The following FHIT variants were observed in gnomAD, a reference collection of about 807,000 sequenced individuals.
FHIT encodes the protein fragile histidine triad diadenosine triphosphatase, also known as bis(5'-adenosyl)-triphosphatase.
In FHIT, 19 loss-of-function variants were observed where a neutral mutation model predicts 17.9. That is an observed-to-expected ratio of 1.06 (90% CI 0.74 to 1.56). The LOEUF (loss-of-function observed/expected upper bound fraction) is 1.56, where lower values mean the gene tolerates loss of function less well. Among genes scored for constraint, FHIT ranks in the 40% most tolerant of loss-of-function variants. The pLI, the probability that FHIT is intolerant of heterozygous loss-of-function variation, is 0.00. For synonymous variants in FHIT, 81 were observed against 69.7 expected, an observed-to-expected ratio of 1.16 and a Z score of -0.81; for missense variants, 248 against 189.2, an observed-to-expected ratio of 1.31 and a Z score of -1.82.
Position 60,678,455 on chromosome 3 carries a change from C to T in FHIT, c.-17-141476G>A, listed in dbSNP as rs1478752692. On this transcript the variant is annotated intron_variant, in intron 4 of 9. Transcript: ENST00000492590. ...AAAAGAAACACTTATTGAAGATTCA[C>T]AACATACATTCCATTATATATCGCT... Among the ~76,000 whole-genome samples the T allele has an allele frequency of 3.3e-5, 5 of 152,144 alleles. No homozygotes were observed. In the East Asian group the frequency reaches 9.6e-4, roughly 29 times the overall value.
chr3:60,532,723 C>G (rs1163573572), intron 5 of FHIT, among the ~76,000 whole-genome samples: 2 of 152,194 alleles, frequency 1.3e-5, no homozygotes, highest in Non-Finnish European at 2.9e-5. Context: ...CAAGGAGGGA[C>G]TGAAGTGGCT....
chr3:60,512,883 A>C (rs2035003232), intron 5 of FHIT, among the ~76,000 whole-genome samples: 1 of 152,216 alleles, frequency 6.6e-6, no homozygotes, highest in Admixed American at 6.5e-5. Flanking sequence ...ATATTTAATA[A>C]CCAAATGCAA....
chr3:60,123,165 T>G (rs1162633523), intron 5 of FHIT, among the ~76,000 whole-genome samples: 2 of 151,776 alleles, frequency 1.3e-5, no homozygotes, highest in African/African-American at 4.9e-5. Context: ...AAGAAGCTAT[T>G]AATATTAACA....
At chr3:60,411,941 T>A (rs574813189) in intron 5 of FHIT, among the ~76,000 whole-genome samples, 2 of 152,246 alleles carry the variant, frequency 1.3e-5, no homozygotes, top group African/African-American at 2.4e-5. Context: ...CATGTTTTTT[T>A]AAAAAATCAT....
intron 4 of FHIT, among the ~76,000 whole-genome samples, chr3:60,736,605 T>C (rs1005995471): frequency 3.9e-5 from 6 of 152,134 alleles, no homozygotes; most frequent in African/African-American, 7.2e-5. Flanking sequence ...TTCACAGAGA[T>C]AGCAAGTAGA....
At chr3:60,086,788 G>A (rs548491325) in intron 5 of FHIT, among the ~76,000 whole-genome samples, 1 of 152,340 alleles carries the variant, frequency 6.6e-6, no homozygotes, top group Admixed American at 6.5e-5. Context: ...AGTGGGTGCA[G>A]CTCAAGTAGC....
intron 2 of FHIT, among the ~76,000 whole-genome samples, chr3:61,102,639 C>T (rs1251999828): frequency 6.6e-6 from 1 of 152,152 alleles, no homozygotes; most frequent in Non-Finnish European, 1.5e-5. Flanking sequence ...GTACCAGCTC[C>T]TCTTTGTATC....
In FHIT at chr3:60,669,629, A is replaced by T. The variant is rs372477245; in HGVS notation, c.-17-132650T>A. On this transcript the variant is annotated intron_variant, in intron 4 of 9. Transcript: ENST00000492590. ...CATTTGTCCAATGAAAGATGAGCAT[A>T]AAACACCCATACCTAATAACAAATG... Among the ~76,000 whole-genome samples, 5 of 152,360 alleles carry T rather than the reference A, an allele frequency of 3.3e-5. No individual in the cohort carries two copies. The East Asian group carries it at 5.8e-4, about 18-fold the overall frequency.
chr3:60,251,881 C>CTATT (rs1276641076), intron 5 of FHIT, among the ~76,000 whole-genome samples: 1 of 152,178 alleles, frequency 6.6e-6, no homozygotes, highest in Non-Finnish European at 1.5e-5. Context: ...TCTTTGTTAT[C>CTATT]TATTCCATAA....
intron 5 of FHIT, among the ~76,000 whole-genome samples, chr3:60,526,986 C>T (rs1458239171): frequency 1.3e-5 from 2 of 152,108 alleles, no homozygotes; most frequent in Non-Finnish European, 2.9e-5. Flanking sequence ...GGTTTGGGGG[C>T]GTGGAGGTAT....
intron 7 of FHIT, among the ~76,000 whole-genome samples, chr3:60,007,356 AC>A (rs1699965118): frequency 6.6e-6 from 1 of 152,196 alleles, no homozygotes; most frequent in Non-Finnish European, 1.5e-5. Flanking sequence ...AATATAGAAG[AC>A]TTTTGATAGA....
chr3:60,500,221 G>A (rs955836482), intron 5 of FHIT, among the ~76,000 whole-genome samples: 6 of 152,160 alleles, frequency 3.9e-5, no homozygotes, highest in African/African-American at 1.4e-4. Flanking sequence ...TGATGATGTT[G>A]CTTTCACACT....
chr3:60,511,322 A>T (rs1234175544), intron 5 of FHIT, among the ~76,000 whole-genome samples: 3 of 152,178 alleles, frequency 2.0e-5, no homozygotes, highest in Admixed American at 2.0e-4. Context: ...ACTGAGCTAT[A>T]CAGAAATGGT....
At chr3:60,418,506 C>G (rs1454690247) in intron 5 of FHIT, among the ~76,000 whole-genome samples, 1 of 142,976 alleles carries the variant, frequency 7.0e-6, no homozygotes, top group Non-Finnish European at 1.5e-5. Context: ...GGTATTGAAC[C>G]TAACTCTTCC....
chr3:59,794,830 C>T (rs1699711347), intron 8 of FHIT, among the ~76,000 whole-genome samples: 1 of 152,210 alleles, frequency 6.6e-6, no homozygotes, highest in Non-Finnish European at 1.5e-5. Flanking sequence ...AGTTCAGTCA[C>T]ATTTGTTCCA....
At chr3:60,265,874 G>C (rs951657994) in intron 5 of FHIT, among the ~76,000 whole-genome samples, 19 of 151,886 alleles carry the variant, frequency 1.3e-4, no homozygotes, top group African/African-American at 4.6e-4. Flanking sequence ...AACACCATGA[G>C]TCACCATTTG....
chr3:60,550,220 G>A (rs189510969), intron 4 of FHIT, among the ~76,000 whole-genome samples: 213 of 152,254 alleles, frequency 1.4e-3, no homozygotes, highest in African/African-American at 4.5e-3. Context: ...GGAAAACAAG[G>A]CACATAAATG....
chr3:60,075,083 C>T (rs545231958), intron 5 of FHIT, among the ~76,000 whole-genome samples: 10 of 152,064 alleles, frequency 6.6e-5, no homozygotes, highest in Non-Finnish European at 1.0e-4. Flanking sequence ...TGACAAAAAC[C>T]TTAATAAGAT....
chr3:61,149,694 A>G (rs960786691), intron 2 of FHIT, among the ~76,000 whole-genome samples: 3 of 151,836 alleles, frequency 2.0e-5, no homozygotes, highest in Admixed American at 6.6e-5. Context: ...CCTCAGCAAC[A>G]TAGTGAGATC....
Sources: gnomAD v4.1 joint callset for allele counts (sites outside exome capture counted in the v4.1 genomes callset) on GRCh38, gnomAD v4.1.1 for gene constraint, MANE v1.5 for transcripts, NCBI Gene and HGNC (gene_info 2026-07-23, HGNC 2026-07-21) for gene names.